Variants in C1orf87 observed in about 807,000 individuals in gnomAD.
C1orf87 encodes the protein uncharacterized protein C1orf87.
In C1orf87, 58 loss-of-function variants were observed where a neutral mutation model predicts 60.5. The observed-to-expected ratio is 0.96, with a 90% confidence interval of 0.78 to 1.19. The LOEUF is 1.19. Among genes scored for constraint, C1orf87 ranks in the 50% most tolerant of loss-of-function variants. C1orf87 has a pLI of 0.00. For synonymous variants in C1orf87, 236 were observed against 227.4 expected (o/e 1.04, Z -0.34); for missense variants, 673 against 638.6 (o/e 1.05, Z -0.58).
At chr1:60,034,099 C>T (rs1242950104) in intron 6 of C1orf87, among the ~76,000 whole-genome samples, 1 of 152,168 alleles carries the variant, frequency 6.6e-6, no homozygotes, top group African/African-American at 2.4e-5. Flanking sequence ...ACCAAGACAG[C>T]CTAGTTCCCT....
At chr1:60,050,837 T>A (rs1645409009) in intron 3 of C1orf87, among the ~76,000 whole-genome samples, 1 of 152,192 alleles carries the variant, frequency 6.6e-6, no homozygotes. Flanking sequence ...TTCTCAGTGG[T>A]CTTATAGACT....
chr1:60,041,162 G>A, intron 3 of C1orf87, 31 bp from the exon 4 acceptor site: 2 of 1,494,908 alleles, frequency 1.3e-6, no homozygotes, highest in South Asian at 1.3e-5. Flanking sequence ...GGGAAGCAAG[G>A]AGCAGAAGAG....
At chr1:60,051,548 C>A (rs1323760281) in intron 3 of C1orf87, among the ~76,000 whole-genome samples, 3 of 152,126 alleles carry the variant, frequency 2.0e-5, no homozygotes, top group Non-Finnish European at 4.4e-5. Context: ...CCAAGCCCAG[C>A]CCAACCCAAT....
intron 11 of C1orf87, among the ~76,000 whole-genome samples, chr1:59,992,830 T>C (rs1644934339): frequency 6.6e-6 from 1 of 152,238 alleles, no homozygotes; most frequent in Admixed American, 6.5e-5. Context: ...TTTATTCTGT[T>C]CTATTCCAGT....
At chr1:60,061,095 G>A (rs545176444) in intron 2 of C1orf87, among the ~76,000 whole-genome samples, 15 of 152,104 alleles carry the variant, frequency 9.9e-5, no homozygotes, top group South Asian at 2.1e-4. Flanking sequence ...TCTGCATCAC[G>A]TCTGGATGCA....
intron 2 of C1orf87, among the ~76,000 whole-genome samples, chr1:60,065,016 A>ATATATATAAAATATATATTAAAT (rs1553130055): frequency 3.0e-5 from 1 of 33,596 alleles, no homozygotes; most frequent in African/African-American, 8.8e-5. Flanking sequence ...ATATATATTA[A>ATATATATAAAATATATATTAAAT]ATATATATAT....
At chr1:60,029,276 G>A (rs1482556262) in intron 7 of C1orf87, among the ~76,000 whole-genome samples, 1 of 151,956 alleles carries the variant, frequency 6.6e-6, no homozygotes, top group Non-Finnish European at 1.5e-5. Context: ...TTACTGCCTT[G>A]GCTTAAACCC....
chr1:60,058,623 G>T (rs540427024), intron 2 of C1orf87, among the ~76,000 whole-genome samples: 1 of 152,086 alleles, frequency 6.6e-6, no homozygotes, highest in Admixed American at 6.5e-5. Flanking sequence ...GTATAGTCAG[G>T]TGTTCCTATT....
intron 8 of C1orf87, among the ~76,000 whole-genome samples, chr1:60,016,524 C>A (rs908457901): frequency 6.6e-6 from 1 of 152,158 alleles, no homozygotes; most frequent in Admixed American, 6.5e-5. Flanking sequence ...GATATAGAGG[C>A]AATAAACTCT....
intron 8 of C1orf87, among the ~76,000 whole-genome samples, chr1:60,024,878 T>C (rs1645188227): frequency 6.6e-6 from 1 of 152,186 alleles, no homozygotes; most frequent in South Asian, 2.1e-4. Flanking sequence ...TCTGTAATGG[T>C]TGTAAGTGGA....
chr1:60,021,129 G>A (rs572139851), intron 8 of C1orf87, among the ~76,000 whole-genome samples: 4 of 152,168 alleles, frequency 2.6e-5, no homozygotes, highest in South Asian at 2.1e-4. Flanking sequence ...GTTTCCTGAG[G>A]CCTCCCAGCC....
chr1:59,997,693 T>C lies in C1orf87; in HGVS notation c.1396A>G (p.Asn466Asp), dbSNP rs1460839357. 3 of 1,613,874 alleles carry C rather than the reference T, an allele frequency of 1.9e-6. No individual in the cohort carries two copies. Among genetic ancestry groups the C allele is most frequent in the African/African-American group, 2.7e-5 (2 of 74,914 alleles). The change falls in exon 11 of 12, where the codon AAC becomes GAC. Residue 466 changes from asparagine (N) to aspartate (D), a missense_variant. Physicochemically the swap from Asn to Asp is conservative, Grantham distance 23. Coordinates refer to ENST00000371201, the MANE Select transcript of C1orf87 (RefSeq NM_152377.3). ...CACGTCTCACATTCCTCAGCCTTGT[T>C]CTTCACAGCTGGATTCACGAAGGGC... Reference protein sequence around the residue: ...SQPFVNPAVKNKAEECETWID... With the variant: ...SQPFVNPAVKDKAEECETWID...
At chr1:60,073,170 G>C (rs1645595463) in intron 1 of C1orf87, among the ~76,000 whole-genome samples, 1 of 152,250 alleles carries the variant, frequency 6.6e-6, no homozygotes, top group Non-Finnish European at 1.5e-5. Context: ...TAATGCATCT[G>C]AAGGGAGACT....
At chr1:60,029,637 G>GTTTTTTTTT (rs34501342) in intron 7 of C1orf87, among the ~76,000 whole-genome samples, 1 of 95,646 alleles carries the variant, frequency 1.0e-5, no homozygotes, top group African/African-American at 4.2e-5. Context: ...GTCCCCCCAA[G>GTTTTTTTTT]TTTTTTTTTT....
chr1:59,999,042 A>G (rs1403577519), intron 10 of C1orf87, among the ~76,000 whole-genome samples: 1 of 152,116 alleles, frequency 6.6e-6, no homozygotes, highest in Non-Finnish European at 1.5e-5. Context: ...TGTTCCCCCA[A>G]CTTTCAAATG....
chr1:59,993,240 A>G (rs777921373), intron 11 of C1orf87, among the ~76,000 whole-genome samples: 3 of 137,430 alleles, frequency 2.2e-5, no homozygotes, highest in Admixed American at 6.9e-5. Context: ...AAATAAATAC[A>G]TAAATACATA....
At chr1:60,048,284 C>A (rs1467240933) in intron 3 of C1orf87, among the ~76,000 whole-genome samples, 4 of 152,178 alleles carry the variant, frequency 2.6e-5, no homozygotes, top group African/African-American at 9.7e-5. Flanking sequence ...GCCAGGAGGC[C>A]TCTGTCAATA....
intron 2 of C1orf87, among the ~76,000 whole-genome samples, chr1:60,058,984 T>G (rs1645475880): frequency 6.6e-6 from 1 of 152,192 alleles, no homozygotes; most frequent in Non-Finnish European, 1.5e-5. Flanking sequence ...CAGAATTGCT[T>G]GAGAAATGTA....
chr1:60,065,529 C>G (rs542364790), intron 2 of C1orf87, among the ~76,000 whole-genome samples: 43 of 152,094 alleles, frequency 2.8e-4, no homozygotes, highest in Admixed American at 2.3e-3. Flanking sequence ...TTGCACTATC[C>G]CTGCATGAAC....
Sources: allele counts gnomAD v4.1 joint callset (sites outside exome capture counted in the v4.1 genomes callset), GRCh38; gene constraint gnomAD v4.1.1; transcripts MANE v1.5; gene names NCBI Gene and HGNC (gene_info 2026-07-23, HGNC 2026-07-21).